Variants in SH3BGRL2 observed in about 807,000 individuals in gnomAD.
SH3BGRL2 encodes the protein SH3 domain binding glutamate rich protein like 2.
A neutral mutation model predicts 14.8 loss-of-function variants in SH3BGRL2; 21 were observed. The ratio of observed to expected loss-of-function variants is 1.42; its 90% CI spans 1.01 to 2.05. The LOEUF (loss-of-function observed/expected upper bound fraction) is 2.05, where lower values mean the gene tolerates loss of function less well. Ranked by LOEUF, SH3BGRL2 falls within the 30% of genes most tolerant of loss-of-function variation. The pLI, the probability that SH3BGRL2 is intolerant of heterozygous loss-of-function variation, is 0.00. For missense variants in SH3BGRL2, 147 were observed against 130.8 expected, an observed-to-expected ratio of 1.12 and a Z score of -0.61; for synonymous variants, 50 against 47.8, an observed-to-expected ratio of 1.05 and a Z score of -0.19.
chr6:79,658,645 T>C (rs557666725), intron 1 of SH3BGRL2, among the ~76,000 whole-genome samples: 1 of 152,330 alleles, frequency 6.6e-6, no homozygotes, highest in East Asian at 1.9e-4. Flanking sequence ...TATAATCCTT[T>C]GGGTATATAC....
chr6:79,676,605 ATG>A (rs58234438), intron 2 of SH3BGRL2, among the ~76,000 whole-genome samples: 9,916 of 139,606 alleles, frequency 0.071, 499 homozygotes, highest in African/African-American at 0.13. Context: ...GTCTTTATGT[ATG>A]TGTGTGTGTG....
the SH3BGRL2 span, among the ~76,000 whole-genome samples, chr6:79,597,334 GAAAA>G: frequency 6.8e-6 from 1 of 146,032 alleles, no homozygotes; most frequent in Non-Finnish European, 1.5e-5. Context: ...GAAAAGAAAA[GAAAA>G]AAGAAAAGAA....
the SH3BGRL2 span, among the ~76,000 whole-genome samples, chr6:79,595,670 A>G: frequency 6.6e-6 from 1 of 152,234 alleles, no homozygotes; most frequent in African/African-American, 2.4e-5. Context: ...TAGAAGGGAA[A>G]TTCCTCAATC....
chr6:79,600,673 C>T, the SH3BGRL2 span, among the ~76,000 whole-genome samples: 1 of 152,118 alleles, frequency 6.6e-6, no homozygotes, highest in Non-Finnish European at 1.5e-5. Context: ...ACCAGCTCAC[C>T]CGGGAGCTGG....
intron 2 of SH3BGRL2, among the ~76,000 whole-genome samples, chr6:79,688,536 C>T (rs1241518852): frequency 6.6e-6 from 1 of 152,154 alleles, no homozygotes; most frequent in East Asian, 1.9e-4. Flanking sequence ...GTGCAATCTA[C>T]AGATGTGTAT....
chr6:79,632,138 C>T (rs531353398), intron 1 of SH3BGRL2, among the ~76,000 whole-genome samples: 5 of 152,088 alleles, frequency 3.3e-5, no homozygotes, highest in Admixed American at 2.6e-4. Flanking sequence ...TGTGTATGCA[C>T]GCATTTTCTT....
At chr6:79,554,327 G>A in the SH3BGRL2 span, among the ~76,000 whole-genome samples, 11 of 152,252 alleles carry the variant, frequency 7.2e-5, no homozygotes, top group African/African-American at 2.6e-4. Context: ...GAAATTCCAG[G>A]GGGTAGGGGT....
At chr6:79,647,324 G>C (rs371998416) in intron 1 of SH3BGRL2, among the ~76,000 whole-genome samples, 3 of 151,640 alleles carry the variant, frequency 2.0e-5, no homozygotes, top group Non-Finnish European at 2.9e-5. Flanking sequence ...GTGGTTGTGG[G>C]TATCTTTTTT....
At chr6:79,652,711 C>A (rs760741604) in intron 1 of SH3BGRL2, among the ~76,000 whole-genome samples, 34 of 151,540 alleles carry the variant, frequency 2.2e-4, no homozygotes, top group Middle Eastern at 3.4e-3. Flanking sequence ...GAGGGGGGAC[C>A]CAGTGGATAT....
rs376293436 is a variant in SH3BGRL2, at chr6:79,657,538, G to A, written c.46-16076G>A. On this transcript the variant is annotated intron_variant, in intron 1 of 3. Transcript: ENST00000369838. ...TCTTTTGACATGAACAGGTAATTAT[G>A]GAATTAAAACTTAAACATAGTTTTG... Among the ~76,000 whole-genome samples, 51 of 152,212 alleles carry A rather than the reference G, an allele frequency of 3.4e-4. No homozygotes were observed. In the East Asian group the frequency reaches 8.5e-3, roughly 25 times the overall value.
the SH3BGRL2 span, among the ~76,000 whole-genome samples, chr6:79,609,345 A>G: frequency 6.6e-6 from 1 of 152,204 alleles, no homozygotes; most frequent in African/African-American, 2.4e-5. Context: ...GCAAACATCC[A>G]GATGAGTTTG....
At chr6:79,699,356 TCAATC>T in intron 3 of SH3BGRL2, 137 bp from the exon 4 acceptor site, 1 of 958,226 alleles carries the variant, frequency 1.0e-6, no homozygotes, top group Non-Finnish European at 1.4e-6. Flanking sequence ...TTTTCTCTTA[TCAATC>T]ACATGGAGGT....
chr6:79,638,982 A>G (rs1025373395), intron 1 of SH3BGRL2, among the ~76,000 whole-genome samples: 9 of 152,304 alleles, frequency 5.9e-5, no homozygotes, highest in Admixed American at 3.3e-4. Context: ...AGGAAGACTC[A>G]TGTAAGATGG....
the SH3BGRL2 span, among the ~76,000 whole-genome samples, chr6:79,559,819 GATTT>G: frequency 6.6e-6 from 1 of 152,186 alleles, no homozygotes; most frequent in Admixed American, 6.5e-5. Flanking sequence ...CAGAAAAAAA[GATTT>G]ATGTGTAATA....
At chr6:79,684,060 A>G (rs1229776151) in intron 2 of SH3BGRL2, among the ~76,000 whole-genome samples, 1 of 152,210 alleles carries the variant, frequency 6.6e-6, no homozygotes, top group Non-Finnish European at 1.5e-5. Flanking sequence ...TGTAACTGTT[A>G]GCCACAGGAG....
At chr6:79,637,673 C>G (rs1271313820) in intron 1 of SH3BGRL2, among the ~76,000 whole-genome samples, 1 of 148,934 alleles carries the variant, frequency 6.7e-6, no homozygotes, top group Non-Finnish European at 1.5e-5. Context: ...GCCTGAGTGA[C>G]AAGAGTGAAA....
intron 2 of SH3BGRL2, among the ~76,000 whole-genome samples, chr6:79,675,233 T>C (rs928045677): frequency 3.9e-5 from 6 of 152,192 alleles, no homozygotes; most frequent in East Asian, 3.9e-4. Context: ...TCTAGTCTTA[T>C]GGTTTAGTGG....
chr6:79,654,753 G>A (rs902336356), intron 1 of SH3BGRL2, among the ~76,000 whole-genome samples: 1 of 152,162 alleles, frequency 6.6e-6, no homozygotes, highest in Non-Finnish European at 1.5e-5. Flanking sequence ...ACAAAAGGAC[G>A]AAATAGCAGG....
chr6:79,590,460 T>TATATGTATATATATGCGCCATGGA, the SH3BGRL2 span, among the ~76,000 whole-genome samples: 1 of 128,666 alleles, frequency 7.8e-6, no homozygotes, highest in Non-Finnish European at 1.7e-5. Context: ...TATATATATA[T>TATATGTATATATATGCGCCATGGA]ATATGCGCCA....
Sources: gnomAD v4.1 joint callset for allele counts (sites outside exome capture counted in the v4.1 genomes callset) on GRCh38, gnomAD v4.1.1 for gene constraint, MANE v1.5 for transcripts, NCBI Gene and HGNC (gene_info 2026-07-23, HGNC 2026-07-21) for gene names.